HS3ST4: variants seen among roughly 807,000 people sequenced by gnomAD.
HS3ST4 encodes the protein heparan sulfate glucosamine 3-O-sulfotransferase 4.
Under a neutral mutation model 29.2 loss-of-function variants are expected in HS3ST4, and 17 were observed. The observed-to-expected ratio is 0.58, with a 90% confidence interval of 0.40 to 0.87. The LOEUF (loss-of-function observed/expected upper bound fraction) is 0.87, where lower values mean the gene tolerates loss of function less well. Ranked by LOEUF, HS3ST4 falls within the 40% of genes least tolerant of loss-of-function variation. The pLI is 0.00. For missense variants in HS3ST4, 627 were observed against 634.5 expected (o/e 0.99, Z 0.13); for synonymous variants, 314 against 285.7 (o/e 1.10, Z -1.00).
intron 1 of HS3ST4, among the ~76,000 whole-genome samples, chr16:25,934,172 C>T (rs1358973990): frequency 6.6e-6 from 1 of 152,144 alleles, no homozygotes; most frequent in East Asian, 1.9e-4. Context: ...GCCTGTTAGT[C>T]CTCTGAATAC....
intron 1 of HS3ST4, among the ~76,000 whole-genome samples, chr16:26,124,391 G>T (rs993809772): frequency 3.3e-5 from 5 of 151,342 alleles, no homozygotes; most frequent in Non-Finnish European, 7.4e-5. Flanking sequence ...TAGTGACCTT[G>T]GTTTTCCTTT....
chr16:25,863,573 C>A (rs115860960), intron 1 of HS3ST4, among the ~76,000 whole-genome samples: 1 of 152,148 alleles, frequency 6.6e-6, no homozygotes, highest in Non-Finnish European at 1.5e-5. Flanking sequence ...CTCTAAAAGC[C>A]TTATAGTTTT....
chr16:25,885,690 A>G (rs142371599), intron 1 of HS3ST4, among the ~76,000 whole-genome samples: 149 of 152,130 alleles, frequency 9.8e-4, no homozygotes, highest in African/African-American at 3.5e-3. Context: ...AATATATGTA[A>G]CATTATATAT....
chr16:26,039,888 C>T (rs887053780), intron 1 of HS3ST4, among the ~76,000 whole-genome samples: 2 of 152,148 alleles, frequency 1.3e-5, no homozygotes, highest in Non-Finnish European at 2.9e-5. Flanking sequence ...TTTTGTCAGC[C>T]ATTCTCCATC....
chr16:25,868,816 A>G (rs1251795198), intron 1 of HS3ST4, among the ~76,000 whole-genome samples: 3 of 152,216 alleles, frequency 2.0e-5, no homozygotes, highest in African/African-American at 7.2e-5. Context: ...GAAATGGTTA[A>G]TAAACACGGC....
chr16:25,845,289 G>A (rs961033059), intron 1 of HS3ST4, among the ~76,000 whole-genome samples: 4 of 152,112 alleles, frequency 2.6e-5, no homozygotes, highest in Admixed American at 6.6e-5. Context: ...CTGGCAGATC[G>A]CCTGAGGTCA....
intron 1 of HS3ST4, among the ~76,000 whole-genome samples, chr16:25,879,868 G>T (rs1427431943): frequency 6.6e-6 from 1 of 152,076 alleles, no homozygotes; most frequent in Non-Finnish European, 1.5e-5. Context: ...AGAAGCAAAG[G>T]CACATCTTAC....
At chr16:25,838,111 G>A (rs1419106399) in intron 1 of HS3ST4, among the ~76,000 whole-genome samples, 1 of 152,214 alleles carries the variant, frequency 6.6e-6, no homozygotes, top group Non-Finnish European at 1.5e-5. Context: ...TCTCAGCTAT[G>A]TAAATGTGCT....
intron 1 of HS3ST4, among the ~76,000 whole-genome samples, chr16:25,987,326 G>T (rs557484714): frequency 6.6e-6 from 1 of 150,634 alleles, no homozygotes; most frequent in Non-Finnish European, 1.5e-5. Flanking sequence ...TCCAGCCTGG[G>T]CAACAAGAGC....
intron 1 of HS3ST4, among the ~76,000 whole-genome samples, chr16:26,100,404 A>G (rs960594348): frequency 3.9e-5 from 6 of 152,168 alleles, no homozygotes; most frequent in African/African-American, 1.4e-4. Flanking sequence ...AGCAGCAGCA[A>G]ATTTGGGTCA....
At chr16:25,895,357 C>T (rs146811367) in intron 1 of HS3ST4, among the ~76,000 whole-genome samples, 3 of 152,182 alleles carry the variant, frequency 2.0e-5, no homozygotes, top group South Asian at 4.2e-4. Context: ...CATATGAGGA[C>T]GATGGAGAAT....
chr16:25,889,285 CTCA>C (rs764540214), intron 1 of HS3ST4, among the ~76,000 whole-genome samples: 1 of 152,306 alleles, frequency 6.6e-6, no homozygotes, highest in Non-Finnish European at 1.5e-5. Flanking sequence ...TGACTCTGAG[CTCA>C]TCGTTTGCCT....
intron 1 of HS3ST4, among the ~76,000 whole-genome samples, chr16:25,796,112 C>G (rs1966884611): frequency 6.6e-6 from 1 of 152,150 alleles, no homozygotes; most frequent in South Asian, 2.1e-4. Context: ...TTAGGCAGCC[C>G]TGAACCCGTT....
chr16:25,696,115 C>A (rs529168024), intron 1 of HS3ST4, among the ~76,000 whole-genome samples: 37 of 152,304 alleles, frequency 2.4e-4, no homozygotes, highest in African/African-American at 8.9e-4. Flanking sequence ...GCAAGATAGA[C>A]TAATGGATTG....
At chr16:25,703,858 T>C (rs181362059) in intron 1 of HS3ST4, among the ~76,000 whole-genome samples, 1 of 152,342 alleles carries the variant, frequency 6.6e-6, no homozygotes, top group East Asian at 1.9e-4. Context: ...TCAGCTCCTC[T>C]AAAAGGCCTT....
chr16:25,955,637 C>G (rs956675531), intron 1 of HS3ST4, among the ~76,000 whole-genome samples: 1 of 151,966 alleles, frequency 6.6e-6, no homozygotes, highest in African/African-American at 2.4e-5. Flanking sequence ...TCTGTGTTCC[C>G]AGGGCACTTC....
At chr16:26,020,482 C>A (rs1273047296) in intron 1 of HS3ST4, among the ~76,000 whole-genome samples, 6 of 152,206 alleles carry the variant, frequency 3.9e-5, no homozygotes, top group Non-Finnish European at 2.9e-5. Context: ...AGCGCTGTGA[C>A]AGCCGGAGGA....
At chr16:26,031,068 T>C (rs1192920461) in intron 1 of HS3ST4, among the ~76,000 whole-genome samples, 4 of 152,224 alleles carry the variant, frequency 2.6e-5, no homozygotes, top group African/African-American at 9.6e-5. Flanking sequence ...AGTGTGGCGA[T>C]GAGTATCTAC....
chr16:26,038,690 T>G (rs527503915), intron 1 of HS3ST4, among the ~76,000 whole-genome samples: 34 of 141,732 alleles, frequency 2.4e-4, no homozygotes, highest in South Asian at 4.4e-4. Context: ...ATGTATGTAT[T>G]TATTTTTGAG....
Sources: gnomAD v4.1 joint callset for allele counts (sites outside exome capture counted in the v4.1 genomes callset) on GRCh38, gnomAD v4.1.1 for gene constraint, MANE v1.5 for transcripts, NCBI Gene and HGNC (gene_info 2026-07-23, HGNC 2026-07-21) for gene names.